CHRM3: variants seen among roughly 807,000 people sequenced by gnomAD.
CHRM3 encodes the protein muscarinic acetylcholine receptor M3.
A neutral mutation model predicts 41.8 loss-of-function variants in CHRM3; 11 were observed. That is an observed-to-expected ratio of 0.26 (90% CI 0.17 to 0.44). The LOEUF is 0.44. Ranked by LOEUF, CHRM3 falls within the 20% of genes least tolerant of loss-of-function variation. The pLI is 1.00. For synonymous variants in CHRM3, 297 were observed against 301.4 expected (o/e 0.99, Z 0.15); for missense variants, 571 against 745.4 (o/e 0.77, Z 2.72).
intron 2 of CHRM3, among the ~76,000 whole-genome samples, chr1:239,517,064 T>C (rs1669321294): frequency 6.6e-6 from 1 of 152,112 alleles, no homozygotes; most frequent in African/African-American, 2.4e-5. Context: ...ACAATAATAA[T>C]AGAAATAAAG....
intron 5 of CHRM3, among the ~76,000 whole-genome samples, chr1:239,749,055 T>C (rs1479588109): frequency 2.0e-5 from 3 of 152,182 alleles, no homozygotes; most frequent in Non-Finnish European, 4.4e-5. Context: ...AGACTGTTTT[T>C]CTCACTAGTT....
At chr1:239,399,678 TC>T (rs1659797266) in intron 1 of CHRM3, among the ~76,000 whole-genome samples, 1 of 152,028 alleles carries the variant, frequency 6.6e-6, no homozygotes, top group African/African-American at 2.4e-5. Flanking sequence ...GGAAGAATTT[TC>T]TTCTCTTTTA....
In CHRM3 at chr1:239,797,361, A is replaced by G. The variant is rs180859200; in HGVS notation, c.-146-29891A>G. 4.5e-4 allele frequency among the ~76,000 whole-genome samples: 69 copies of G among 152,070 alleles called. 1 individual carries two copies. Among genetic ancestry groups the G allele is most frequent in the Middle Eastern group, 3.4e-3 (1 of 294 alleles). On this transcript the variant is annotated intron_variant, in intron 5 of 6. Transcript: ENST00000676153. ...CCCCTGACTCTAAAATAAAATGAAA[A>G]TCTCTATAATACTTTAAAAATAAAA...
chr1:239,693,580 T>C (rs1418706926), intron 5 of CHRM3, among the ~76,000 whole-genome samples: 1 of 152,188 alleles, frequency 6.6e-6, no homozygotes, highest in East Asian at 1.9e-4. Flanking sequence ...AGTTTGCTTC[T>C]TGACTGTCAT....
At chr1:239,657,592 A>T (rs530659625) in intron 4 of CHRM3, among the ~76,000 whole-genome samples, 61 of 152,354 alleles carry the variant, frequency 4.0e-4, no homozygotes, top group Admixed American at 6.5e-4. Context: ...AAGAACAGGC[A>T]TTTGCAAAGC....
chr1:239,414,327 C>T (rs1241844718), intron 1 of CHRM3, among the ~76,000 whole-genome samples: 1 of 144,586 alleles, frequency 6.9e-6, no homozygotes, highest in African/African-American at 2.4e-5. Flanking sequence ...CACAAATGGC[C>T]TACTTAAAAA....
chr1:239,438,242 T>C (rs964517173), intron 1 of CHRM3, among the ~76,000 whole-genome samples: 1 of 152,204 alleles, frequency 6.6e-6, no homozygotes, highest in African/African-American at 2.4e-5. Context: ...ATTTACTCTA[T>C]AAAAGTATAG....
At chr1:239,459,807 G>A (rs1007133983) in intron 1 of CHRM3, among the ~76,000 whole-genome samples, 1 of 152,168 alleles carries the variant, frequency 6.6e-6, no homozygotes, top group African/African-American at 2.4e-5. Flanking sequence ...CTTATTAAAA[G>A]TAATGTCCAC....
chr1:239,622,185 T>C (rs1279415470), intron 3 of CHRM3, among the ~76,000 whole-genome samples: 1 of 152,174 alleles, frequency 6.6e-6, no homozygotes, highest in Non-Finnish European at 1.5e-5. Context: ...TTTAAAAATA[T>C]TACTATTCAC....
intron 5 of CHRM3, among the ~76,000 whole-genome samples, chr1:239,697,707 C>G (rs1046775222): frequency 7.9e-5 from 12 of 152,168 alleles, no homozygotes; most frequent in African/African-American, 2.6e-4. Context: ...GAGAATTGCT[C>G]CACTACTCCA....
chr1:239,642,803 T>A (rs929637347), intron 4 of CHRM3, among the ~76,000 whole-genome samples: 3 of 152,216 alleles, frequency 2.0e-5, no homozygotes, highest in African/African-American at 4.8e-5. Flanking sequence ...GTTCCATTGC[T>A]GGTGAGGAGC....
intron 3 of CHRM3, among the ~76,000 whole-genome samples, chr1:239,602,940 G>A (rs573128951): frequency 2.0e-4 from 30 of 152,220 alleles, no homozygotes; most frequent in African/African-American, 7.0e-4. Context: ...GTACACTGTT[G>A]TTGTGCAACC....
At chr1:239,455,747 G>A (rs1367994460) in intron 1 of CHRM3, among the ~76,000 whole-genome samples, 1 of 152,098 alleles carries the variant, frequency 6.6e-6, no homozygotes, top group African/African-American at 2.4e-5. Flanking sequence ...AAGTAAAAAT[G>A]TTACAATAAG....
intron 4 of CHRM3, among the ~76,000 whole-genome samples, chr1:239,659,920 T>A (rs1057495627): frequency 6.6e-6 from 1 of 152,162 alleles, no homozygotes; most frequent in African/African-American, 2.4e-5. Flanking sequence ...AGACCATCAG[T>A]GATCTTTGTA....
intron 5 of CHRM3, among the ~76,000 whole-genome samples, chr1:239,764,700 A>G (rs1667062186): frequency 6.6e-6 from 1 of 152,256 alleles, no homozygotes; most frequent in Non-Finnish European, 1.5e-5. Context: ...AACTATGGGA[A>G]AATGAGCTGA....
chr1:239,576,610 A>G (rs1178748752), intron 3 of CHRM3, among the ~76,000 whole-genome samples: 1 of 150,968 alleles, frequency 6.6e-6, no homozygotes, highest in African/African-American at 2.4e-5. Context: ...ACACACACAC[A>G]CACACACACA....
chr1:239,520,617 C>T (rs1292258250), intron 2 of CHRM3, among the ~76,000 whole-genome samples: 1 of 152,164 alleles, frequency 6.6e-6, no homozygotes, highest in African/African-American at 2.4e-5. Flanking sequence ...AACCTCTTTT[C>T]TTTGTAAATT....
intron 1 of CHRM3, among the ~76,000 whole-genome samples, chr1:239,467,827 A>G (rs1233002495): frequency 6.6e-6 from 1 of 152,094 alleles, no homozygotes; most frequent in African/African-American, 2.4e-5. Flanking sequence ...GGGTTGGATC[A>G]CTTTTATTTT....
chr1:239,534,318 T>G (rs897840861), intron 2 of CHRM3, among the ~76,000 whole-genome samples: 65 of 152,314 alleles, frequency 4.3e-4, no homozygotes, highest in African/African-American at 1.5e-3. Flanking sequence ...AAAGCGAGAC[T>G]CTGTCTCAAA....
Sources: allele counts gnomAD v4.1 joint callset (sites outside exome capture counted in the v4.1 genomes callset), GRCh38; gene constraint gnomAD v4.1.1; transcripts MANE v1.5; gene names NCBI Gene and HGNC (gene_info 2026-07-23, HGNC 2026-07-21).